Variants in ATXN10 observed in about 807,000 individuals in gnomAD.
ATXN10 encodes the protein ataxin 10.
A neutral mutation model predicts 52.9 loss-of-function variants in ATXN10; 28 were observed. That is an observed-to-expected ratio of 0.53 (90% CI 0.39 to 0.73). ATXN10 has a LOEUF of 0.73. Ranked by LOEUF, ATXN10 falls within the 30% of genes least tolerant of loss-of-function variation. ATXN10 has a pLI of 0.00. For missense variants in ATXN10, 565 were observed against 577.0 expected (o/e 0.98, Z 0.21); for synonymous variants, 226 against 221.5 (o/e 1.02, Z -0.18).
In ATXN10 at chr22:45,729,472, C is replaced by T. The variant is rs1925002089; in HGVS notation, c.776C>T (p.Pro259Leu). 1 of 1,613,990 alleles carries T rather than the reference C, an allele frequency of 6.2e-7. No individual in the cohort carries two copies. Among genetic ancestry groups the T allele is most frequent in the South Asian group, 1.1e-5 (1 of 91,084 alleles). ...ATAGCCAAGATAACGAGTGATGAGC[C>T]ACTCACCAAGGATGACATCCCTGTG... ...LMIAKITSDE[P>L]LTKDDIPVFL... The change falls in exon 7 of 12, where the codon CCA becomes CTA. Residue 259 changes from proline (P) to leucine (L), a missense_variant. Pro to Leu is a moderately conservative substitution (Grantham distance 98). Transcript: ENST00000252934.
At chr22:45,746,279 T>C (rs1162040613) in intron 9 of ATXN10, among the ~76,000 whole-genome samples, 1 of 150,628 alleles carries the variant, frequency 6.6e-6, no homozygotes, top group East Asian at 1.9e-4. Context: ...TTGTATCTAG[T>C]TGCAAGGAGC....
rs1043788406 is a variant in ATXN10, at chr22:45,781,801, T to TA, written c.1174-25151dup. ...AAAAGCCACGTGGAAATTTTAGGAC[T>TA]AAAAAAACAGCAACCTGAAATAAAA... On this transcript the variant is annotated intron_variant, in intron 9 of 11. Coordinates refer to ENST00000252934, the MANE Select transcript of ATXN10 (RefSeq NM_013236.4). This position sits in a 1 kb window ranked among gnomAD's most constrained non-coding sequence, Gnocchi z 4.2. 5.3e-5 allele frequency among the ~76,000 whole-genome samples: 8 copies of TA among 151,954 alleles called. No individual in the cohort carries two copies. The highest frequency in any genetic ancestry group is 7.4e-5 in the Non-Finnish European group (5 of 67,972).
Position 45,805,522 on chromosome 22 carries a change from C to T in ATXN10, c.1174-1437C>T, listed in dbSNP as rs896377844. Among the ~76,000 whole-genome samples, 4 of 152,054 alleles carry T rather than the reference C, an allele frequency of 2.6e-5. No individual in the cohort carries two copies. Among genetic ancestry groups the T allele is most frequent in the African/African-American group, 4.8e-5 (2 of 41,376 alleles). ...CAATGCACTGTTCACGTTACTCAGC[C>T]GTGAAAAGAAATGAAGCGCTGACAT... On this transcript the variant is annotated intron_variant, in intron 9 of 11. Transcript: ENST00000252934. The surrounding 1 kb of genome is among the most constrained non-coding windows in gnomAD (Gnocchi z 4.4).
In ATXN10 at chr22:45,783,447, C is replaced by T. The variant is rs1639997301; in HGVS notation, c.1174-23512C>T. ...CTGTTCTTTTCTGAAGCACCAGTCT[C>T]TGTAAATTCTTTCTGTTGCTTTCAG... On this transcript the variant is annotated intron_variant, in intron 9 of 11. Transcript: ENST00000252934. This position sits in a 1 kb window ranked among gnomAD's most constrained non-coding sequence, Gnocchi z 5.0. Among the ~76,000 whole-genome samples the T allele has an allele frequency of 6.6e-6, 1 of 152,232 alleles. No individual in the cohort carries two copies. Among genetic ancestry groups the T allele is most frequent in the Non-Finnish European group, 1.5e-5 (1 of 68,042 alleles).
Position 45,726,453 on chromosome 22 carries a change from T to C in ATXN10, c.729-2972T>C, listed in dbSNP as rs542324337. ...ATTTTCTTGTTTGTTTGCACAAAGG[T>C]ATTCATAGTGTCCTTAAATGGTCTT... On this transcript the variant is annotated intron_variant, in intron 6 of 11. Coordinates refer to ENST00000252934, the MANE Select transcript of ATXN10 (RefSeq NM_013236.4). Among the ~76,000 whole-genome samples the C allele has an allele frequency of 2.1e-3, 314 of 152,322 alleles. 2 individuals are homozygous for C. Among genetic ancestry groups the C allele is most frequent in the African/African-American group, 7.2e-3 (298 of 41,576 alleles).
chr22:45,735,638 A>G (rs1925262959), intron 7 of ATXN10, among the ~76,000 whole-genome samples: 1 of 152,224 alleles, frequency 6.6e-6, no homozygotes, highest in Non-Finnish European at 1.5e-5. Context: ...TTGCATTTTA[A>G]TGGACAGGAA....
chr22:45,721,567 T>G (rs1330166343), intron 6 of ATXN10, among the ~76,000 whole-genome samples: 3 of 152,150 alleles, frequency 2.0e-5, no homozygotes, highest in Non-Finnish European at 4.4e-5. Context: ...AATACCTTAA[T>G]CTATAACCTG....
At chr22:45,695,775 A>T (rs1331646982) in intron 3 of ATXN10, among the ~76,000 whole-genome samples, 3 of 152,132 alleles carry the variant, frequency 2.0e-5, no homozygotes, top group Non-Finnish European at 2.9e-5. Context: ...TACAGGCATG[A>T]ACCACCGCAC....
At chr22:45,829,202 T>A (rs1437655086) in intron 10 of ATXN10, among the ~76,000 whole-genome samples, 1 of 151,888 alleles carries the variant, frequency 6.6e-6, no homozygotes, top group Non-Finnish European at 1.5e-5. Flanking sequence ...CTCAACAAAC[T>A]AGGAATATAA....
intron 3 of ATXN10, among the ~76,000 whole-genome samples, chr22:45,694,598 A>G (rs1044094673): frequency 1.1e-4 from 16 of 152,164 alleles, no homozygotes; most frequent in Admixed American, 2.6e-4. Flanking sequence ...CCTGGCCAAC[A>G]TGGTGAAACC....
At position 45,671,844 on chromosome 22, in the gene ATXN10, C is replaced by A; in HGVS notation, c.-220C>A. The A allele has an allele frequency of 2.5e-6, 1 of 402,656 alleles. No individual in the cohort carries two copies. The highest frequency in any genetic ancestry group is 4.4e-6 in the Non-Finnish European group (1 of 229,298). 24.9% of individuals were successfully genotyped at this position (402,656 alleles called of 1,614,324 possible). A position where few individuals can be genotyped will look rare whatever the true frequency, so the allele number is the denominator to read the frequency against. ...CCCCTCCCCCGCGGCGCCGTCTCCTCCTCCCGCCTGAGGCGAGTCTGGGCT... is the reference window on the plus strand; with the variant it reads ...CCCCTCCCCCGCGGCGCCGTCTCCTACTCCCGCCTGAGGCGAGTCTGGGCT... On this transcript the variant is annotated 5_prime_UTR_variant, in exon 1 of 12. Transcript: ENST00000252934.
In ATXN10 at chr22:45,791,422, C is replaced by A. The variant is rs191348053; in HGVS notation, c.1174-15537C>A. 8.2e-4 allele frequency among the ~76,000 whole-genome samples: 124 copies of A among 152,012 alleles called. 1 individual carries two copies. The highest frequency in any genetic ancestry group is 2.8e-3 in the African/African-American group (116 of 41,460). On this transcript the variant is annotated intron_variant, in intron 9 of 11. Coordinates refer to ENST00000252934, the MANE Select transcript of ATXN10 (RefSeq NM_013236.4). Reference sequence around the variant, plus strand: ...TATGTAAACTTTCCTTTACCTATGACATTTACTATGGGTTTCTGACACATA... The same window carrying A: ...TATGTAAACTTTCCTTTACCTATGAAATTTACTATGGGTTTCTGACACATA...
intron 9 of ATXN10, among the ~76,000 whole-genome samples, chr22:45,764,040 T>A (rs1226280792): frequency 6.6e-6 from 1 of 152,208 alleles, no homozygotes; most frequent in Non-Finnish European, 1.5e-5. Flanking sequence ...CGGCAGCCTC[T>A]CTGCTTCTCC....
chr22:45,817,470 C>A (rs1367060766), intron 10 of ATXN10, among the ~76,000 whole-genome samples: 1 of 151,742 alleles, frequency 6.6e-6, no homozygotes, highest in Non-Finnish European at 1.5e-5. Flanking sequence ...AATTACAGGC[C>A]CATGCCACGA....
intron 9 of ATXN10, among the ~76,000 whole-genome samples, chr22:45,756,577 A>T (rs1009875100): frequency 6.6e-6 from 1 of 152,224 alleles, no homozygotes; most frequent in African/African-American, 2.4e-5. Flanking sequence ...TCATTTGAGA[A>T]AAATGAACTA....
rs149388002 is a variant in ATXN10, at chr22:45,726,257, C to G, written c.729-3168C>G. 4.5e-3 allele frequency among the ~76,000 whole-genome samples: 687 copies of G among 152,178 alleles called. 5 individuals are homozygous for G. Among genetic ancestry groups the G allele is most frequent in the Admixed American group, 7.6e-3 (116 of 15,282 alleles). On this transcript the variant is annotated intron_variant, in intron 6 of 11. Transcript: ENST00000252934. ...TGATTGGTGCCAATTCTTTGAATGTCTGGTGGAATTTGGCCATGTATCCGT... is the reference window on the plus strand; with the variant it reads ...TGATTGGTGCCAATTCTTTGAATGTGTGGTGGAATTTGGCCATGTATCCGT...
At chr22:45,719,892 C>T (rs1394169473) in intron 6 of ATXN10, among the ~76,000 whole-genome samples, 2 of 152,050 alleles carry the variant, frequency 1.3e-5, no homozygotes, top group Non-Finnish European at 2.9e-5. Flanking sequence ...TAGCACATTT[C>T]CATTAGATTG....
Position 45,735,092 on chromosome 22 carries a change from T to C in ATXN10, c.895-3639T>C, listed in dbSNP as rs575268307. On this transcript the variant is annotated intron_variant, in intron 7 of 11. Coordinates refer to ENST00000252934, the MANE Select transcript of ATXN10 (RefSeq NM_013236.4). ...TGGGGTTTCGCCTTGTTGGCCAGGC[T>C]GGTCTTGAACTCCCGACTTTGGGTG... 3.9e-4 allele frequency among the ~76,000 whole-genome samples: 60 copies of C among 152,080 alleles called. 1 individual carries two copies. The South Asian group carries it at 0.012, about 29-fold the overall frequency.
At chr22:45,738,959 T>G in intron 8 of ATXN10, 120 bp downstream of exon 8, 1 of 941,018 alleles carries the variant, frequency 1.1e-6, no homozygotes. Context: ...TGTGAATATA[T>G]TTTTTTGAGA....
Sources: allele counts gnomAD v4.1 joint callset (sites outside exome capture counted in the v4.1 genomes callset), GRCh38; gene constraint gnomAD v4.1.1; non-coding constraint Gnocchi (gnomAD v3.1); transcripts MANE v1.5; gene names NCBI Gene and HGNC (gene_info 2026-07-23, HGNC 2026-07-21).